ORC3: variants seen among roughly 807,000 people sequenced by gnomAD.
ORC3 encodes origin recognition complex subunit 3, also known as homolog of latheo, Drosophila.
A neutral mutation model predicts 100.7 loss-of-function variants in ORC3; 78 were observed. The ratio of observed to expected loss-of-function variants is 0.77; its 90% CI spans 0.65 to 0.94. The LOEUF is 0.94. Ranked by LOEUF, ORC3 falls within the 40% of genes least tolerant of loss-of-function variation. ORC3 has a pLI of 0.00. For missense variants in ORC3, 789 were observed against 823.9 expected (o/e 0.96, Z 0.52); for synonymous variants, 295 against 289.3 (o/e 1.02, Z -0.20).
intron 14 of ORC3, 65 bp from the exon 15 acceptor site, chr6:87,656,841 A>C (rs1769742411): frequency 9.5e-7 from 1 of 1,051,824 alleles, no homozygotes; most frequent in East Asian, 2.4e-5. Flanking sequence ...GGAGTAGTAG[A>C]AATGTTTGTT....
intron 8 of ORC3, among the ~76,000 whole-genome samples, chr6:87,615,598 G>C (rs1296092196): frequency 1.3e-5 from 2 of 152,198 alleles, no homozygotes; most frequent in Non-Finnish European, 2.9e-5. Flanking sequence ...GGTAGGCTGA[G>C]GTGGGAGAAT....
intron 11 of ORC3, among the ~76,000 whole-genome samples, chr6:87,630,439 G>T (rs1026033843): frequency 1.3e-5 from 2 of 152,142 alleles, no homozygotes; most frequent in African/African-American, 4.8e-5. Flanking sequence ...TAAGTGTTCA[G>T]CCTTCATTCA....
intron 2 of ORC3, among the ~76,000 whole-genome samples, 169 bp from the exon 3 acceptor site, chr6:87,601,615 T>G (rs1777904686): frequency 6.6e-6 from 1 of 151,694 alleles, no homozygotes; most frequent in Non-Finnish European, 1.5e-5. Flanking sequence ...GAGATCGCAC[T>G]GAGCCAACAT....
At chr6:87,602,006 T>C (rs1777941948) in intron 3 of ORC3, 125 bp downstream of exon 3, 1 of 620,552 alleles carries the variant, frequency 1.6e-6, no homozygotes, top group East Asian at 2.8e-5. Flanking sequence ...AAGCATAGCC[T>C]GTATATCCTT....
intron 11 of ORC3, among the ~76,000 whole-genome samples, 157 bp downstream of exon 11, chr6:87,622,170 T>C (rs1286550304): frequency 1.3e-5 from 2 of 152,148 alleles, no homozygotes; most frequent in Non-Finnish European, 2.9e-5. Context: ...ATGTGAGTTT[T>C]AAAGATGACA....
chr6:87,607,969 TC>T (rs1204297263), intron 6 of ORC3, 145 bp downstream of exon 6: 1 of 508,364 alleles, frequency 2.0e-6, no homozygotes, highest in Non-Finnish European at 3.4e-6. Flanking sequence ...ATTTATTTTT[TC>T]TAATGCTACT....
chr6:87,631,390 GA>G (rs1767397911), intron 11 of ORC3, among the ~76,000 whole-genome samples: 2 of 152,152 alleles, frequency 1.3e-5, no homozygotes, highest in Non-Finnish European at 2.9e-5. Flanking sequence ...CTAGTGTGCA[GA>G]AAAAGTGCCT....
chr6:87,616,889 C>T (rs1025670013), intron 9 of ORC3, among the ~76,000 whole-genome samples: 1 of 152,060 alleles, frequency 6.6e-6, no homozygotes, highest in African/African-American at 2.4e-5. Context: ...CAACCTTCGC[C>T]TCCCGGGTTC....
chr6:87,632,061 G>A (rs921847319), intron 11 of ORC3, among the ~76,000 whole-genome samples: 2 of 152,086 alleles, frequency 1.3e-5, no homozygotes, highest in African/African-American at 4.8e-5. Context: ...CTACTCAGGA[G>A]GCTGAGGCAG....
chr6:87,663,084 A>T lies in ORC3; in HGVS notation c.1773A>T (p.Leu591Phe). The T allele has an allele frequency of 1.2e-6, 2 of 1,612,910 alleles. No homozygotes were observed. Among genetic ancestry groups the T allele is most frequent in the Non-Finnish European group, 1.7e-6 (2 of 1,179,118 alleles). Residue 591 changes from leucine to phenylalanine, a missense_variant, in exon 17 of 20, where the codon TTA (leucine) becomes TTT (phenylalanine). This residue lies in a region of ORC3 where 366 missense variants were observed against 394.2 expected (regional missense o/e 0.93). Coordinates refer to ENST00000392844, the MANE Select transcript of ORC3 (RefSeq NM_012381.4). ...CTGCCCATGCCCTTCGTGAGCATTT[A>T]AATGCTGCTCCGCGAATTGCCCTCC... ...FSAAHALREHLNAAPRIALHT... is the reference protein window; with the variant it reads ...FSAAHALREHFNAAPRIALHT...
chr6:87,642,253 C>T (rs1583119155), intron 13 of ORC3, among the ~76,000 whole-genome samples: 1 of 152,274 alleles, frequency 6.6e-6, no homozygotes, highest in Non-Finnish European at 1.5e-5. Context: ...GATTGTACCA[C>T]TGCACTCCAG....
intron 13 of ORC3, among the ~76,000 whole-genome samples, chr6:87,644,847 CAA>C (rs754822101): frequency 1.5e-5 from 2 of 136,838 alleles, no homozygotes; most frequent in Admixed American, 7.3e-5. Context: ...AGACTCCATC[CAA>C]AAAAAAAAAA....
chr6:87,615,061 A>C (rs1226537707), intron 8 of ORC3, among the ~76,000 whole-genome samples: 1 of 152,204 alleles, frequency 6.6e-6, no homozygotes, highest in Non-Finnish European at 1.5e-5. Context: ...TACAAAAGAA[A>C]GAGGTTTAAT....
In ORC3 at chr6:87,603,536, T is replaced by C. The variant is rs779713238; in HGVS notation, c.322+8T>C. 17 of 1,462,602 alleles carry C rather than the reference T, an allele frequency of 1.2e-5. No individual in the cohort carries two copies. The highest frequency in any genetic ancestry group is 9.2e-7 in the Non-Finnish European group (1 of 1,084,380). The allele number at this position is 1,462,602 out of a possible 1,614,324, so 90.6% of individuals were successfully genotyped here. A position where few individuals can be genotyped will look rare whatever the true frequency, so the allele number is the denominator to read the frequency against. ...CTGCTGCTCTTGTTCTTGGTATATATGCGTATGTTTGTTCATGCATGCATC... is the reference window on the plus strand; with the variant it reads ...CTGCTGCTCTTGTTCTTGGTATATACGCGTATGTTTGTTCATGCATGCATC... On this transcript the variant is annotated splice_region_variant and intron_variant, in intron 4 of 19. Coordinates refer to ENST00000392844, the MANE Select transcript of ORC3 (RefSeq NM_012381.4).
At position 87,649,406 on chromosome 6, in the gene ORC3, G is replaced by A. The variant is rs78837156; in HGVS notation, c.1383-3710G>A. On this transcript the variant is annotated intron_variant, in intron 13 of 19. Transcript: ENST00000392844. ...ACTCAAGTGTACACACATTGTTCCT[G>A]TTTTTTAGAACAATTATTCCAGATA... 2.4e-4 allele frequency among the ~76,000 whole-genome samples: 37 copies of A among 152,232 alleles called. No homozygotes were observed. In the East Asian group the frequency reaches 6.9e-3, roughly 29 times the overall value.
At chr6:87,673,025 T>C in the ORC3 span, among the ~76,000 whole-genome samples, 2 of 151,960 alleles carry the variant, frequency 1.3e-5, no homozygotes, top group East Asian at 3.9e-4. Flanking sequence ...AATAATCTAT[T>C]GAAATCATGT....
intron 17 of ORC3, among the ~76,000 whole-genome samples, chr6:87,663,883 C>T (rs185072116): frequency 2.4e-4 from 36 of 152,198 alleles, no homozygotes; most frequent in East Asian, 5.8e-4. Flanking sequence ...GAAACAACTC[C>T]GTAAGACCTA....
the ORC3 span, among the ~76,000 whole-genome samples, chr6:87,676,388 C>T: frequency 4.8e-5 from 7 of 144,990 alleles, no homozygotes; most frequent in East Asian, 8.1e-4. Context: ...ATGGCGTGAA[C>T]CCAGGAGGTG....
At chr6:87,677,787 C>T in the ORC3 span, 1 of 1,600,838 alleles carries the variant, frequency 6.2e-7, no homozygotes, top group Non-Finnish European at 8.5e-7. Context: ...CAACTGAGTT[C>T]CTCAGAAACT....
Sources: gnomAD v4.1 joint callset for allele counts (sites outside exome capture counted in the v4.1 genomes callset) on GRCh38, gnomAD v4.1.1 for gene constraint, gnomAD v4.1.1 regional missense constraint, MANE v1.5 for transcripts, NCBI Gene and HGNC (gene_info 2026-07-23, HGNC 2026-07-21) for gene names.